Variants in DNAJC27 observed in about 807,000 individuals in gnomAD.
DNAJC27 encodes dnaJ homolog subfamily C member 27.
Under a neutral mutation model 31.4 loss-of-function variants are expected in DNAJC27, and 25 were observed. The observed-to-expected ratio is 0.80, with a 90% confidence interval of 0.58 to 1.11. The LOEUF (loss-of-function observed/expected upper bound fraction) is 1.11. Ranked by LOEUF, DNAJC27 falls within the 50% of genes most tolerant of loss-of-function variation. The probability of loss-of-function intolerance (pLI) is 0.00; values close to 1 mark genes in which losing one functional copy is unlikely to be tolerated. For missense variants in DNAJC27, 356 were observed against 347.3 expected, an observed-to-expected ratio of 1.02 and a Z score of -0.20; for synonymous variants, 106 against 112.7, an observed-to-expected ratio of 0.94 and a Z score of 0.37.
chr2:24,971,871 C>T lies in DNAJC27; in HGVS notation c.34G>A (p.Gly12Ser), dbSNP rs770620180. 5.3e-5 allele frequency: 86 copies of T among 1,609,214 alleles called. No individual in the cohort carries two copies. The highest frequency in any genetic ancestry group is 6.8e-5 in the Non-Finnish European group (80 of 1,178,358). The change falls in exon 1 of 7, where the codon GGC (glycine) becomes AGC (serine). Residue 12 changes from glycine (G) to serine (S), a missense_variant. Coordinates refer to ENST00000264711, the MANE Select transcript of DNAJC27 (RefSeq NM_016544.3). ...ATGACTTTGATGCGGAGAGACCTGC[C>T]GGGCTCCTTCCGCTTCGGCATGTTG... ...EANMPKRKEP[G>S]RSLRIKVISM...
In DNAJC27 at chr2:24,963,506, A is replaced by G. The variant is rs371271613; in HGVS notation, c.171-32T>C. 91 of 1,572,160 alleles carry G rather than the reference A, an allele frequency of 5.8e-5. 1 individual carries two copies. Among genetic ancestry groups the G allele is most frequent in the Non-Finnish European group, 7.8e-5 (89 of 1,144,900 alleles). ...TGTTCAAATGGAAACAATCCGAAAGAAAGTCATGGTTTCTCCATTTACCTT... is the reference window on the plus strand; with the variant it reads ...TGTTCAAATGGAAACAATCCGAAAGGAAGTCATGGTTTCTCCATTTACCTT... On this transcript the variant is annotated intron_variant, in intron 2 of 6. Coordinates refer to ENST00000264711, the MANE Select transcript of DNAJC27 (RefSeq NM_016544.3).
At chr2:24,956,964 T>C (rs891519108) in intron 5 of DNAJC27, 79 bp downstream of exon 5, 2 of 1,525,720 alleles carry the variant, frequency 1.3e-6, no homozygotes, top group East Asian at 4.7e-5. Flanking sequence ...CCTATTACTT[T>C]TTTGCTTCCT....
At chr2:24,971,443 C>T (rs1220869136) in intron 1 of DNAJC27, 1 of 165,714 alleles carries the variant, frequency 6.0e-6, no homozygotes, top group African/African-American at 2.4e-5. Flanking sequence ...GCTCCCAGGC[C>T]CGGCTGGGGG....
intron 3 of DNAJC27, among the ~76,000 whole-genome samples, chr2:24,961,547 T>C (rs999100793): frequency 6.6e-6 from 1 of 151,880 alleles, no homozygotes; most frequent in African/African-American, 2.4e-5. Flanking sequence ...TAGAAAGCAT[T>C]CGCCATTCTA....
chr2:24,944,341 G>C lies in DNAJC27; in HGVS notation c.*3275C>G, dbSNP rs192683025. On this transcript the variant is annotated 3_prime_UTR_variant, in exon 7 of 7. Coordinates refer to ENST00000264711, the MANE Select transcript of DNAJC27 (RefSeq NM_016544.3). ...CTTGTGATGTTGTCATTGTTCAATG[G>C]GGCACAGCTCCTTTTTTTTTTTTTT... 9 of 152,048 alleles carry C rather than the reference G, an allele frequency of 5.9e-5. No individual in the cohort carries two copies. Among genetic ancestry groups the C allele is most frequent in the Admixed American group, 5.9e-4 (9 of 15,256 alleles). The allele number at this position is 152,048 out of a possible 1,614,324, so 9.4% of individuals were successfully genotyped here.
intron 1 of DNAJC27, 134 bp from the exon 2 acceptor site, chr2:24,967,427 G>A (rs965001852): frequency 1.4e-5 from 10 of 704,292 alleles, no homozygotes; most frequent in East Asian, 1.1e-4. Context: ...GTGGCGGGGC[G>A]CGGTGGCTCA....
rs540381625 is a variant in DNAJC27, at chr2:24,944,115, T to C, written c.*3501A>G. On this transcript the variant is annotated 3_prime_UTR_variant, in exon 7 of 7. Coordinates refer to ENST00000264711, the MANE Select transcript of DNAJC27 (RefSeq NM_016544.3). Reference sequence around the variant, plus strand: ...GCTTGCAATGGAAAGTGGTTAGCTATATTTTGCAGCTAAGTTCATTTTCAA... The same window carrying C: ...GCTTGCAATGGAAAGTGGTTAGCTACATTTTGCAGCTAAGTTCATTTTCAA... 2 of 152,264 alleles carry C rather than the reference T, an allele frequency of 1.3e-5. No homozygotes were observed. The highest frequency in any genetic ancestry group is 2.9e-5 in the Non-Finnish European group (2 of 68,052). The allele number at this position is 152,264 out of a possible 1,614,324, so 9.4% of individuals were successfully genotyped here. A position where few individuals can be genotyped will look rare whatever the true frequency, so the allele number is the denominator to read the frequency against.
chr2:24,950,072 C>T (rs1298616553), intron 6 of DNAJC27, among the ~76,000 whole-genome samples: 1 of 145,300 alleles, frequency 6.9e-6, no homozygotes, highest in East Asian at 2.0e-4. Flanking sequence ...TAAAAATCTA[C>T]AATAAACCAA....
chr2:24,956,956 T>C, intron 5 of DNAJC27, 87 bp downstream of exon 5: 1 of 1,474,548 alleles, frequency 6.8e-7, no homozygotes, highest in Non-Finnish European at 9.2e-7. Flanking sequence ...GAGAAATTCC[T>C]ATTACTTTTT....
intron 3 of DNAJC27, among the ~76,000 whole-genome samples, chr2:24,962,098 A>G (rs1666055515): frequency 6.6e-6 from 1 of 152,222 alleles, no homozygotes. Context: ...CTCATCAGTC[A>G]GCAGCCATCA....
chr2:24,958,723 C>T lies in DNAJC27; in HGVS notation c.241-749G>A, dbSNP rs139229921. On this transcript the variant is annotated intron_variant, in intron 3 of 6. Transcript: ENST00000264711. Reference sequence around the variant, plus strand: ...AATGTCTATTTAACACCTTCCCCTTCCTTCCTTGCATTCATTCTCTGGGCT... The same window carrying T: ...AATGTCTATTTAACACCTTCCCCTTTCTTCCTTGCATTCATTCTCTGGGCT... 651 of 169,382 alleles carry T rather than the reference C, an allele frequency of 3.8e-3. 2 individuals carry two copies. Among genetic ancestry groups the T allele is most frequent in the Non-Finnish European group, 6.5e-3 (491 of 75,944 alleles). 10.5% of individuals were successfully genotyped at this position (169,382 alleles called of 1,614,324 possible).
At chr2:24,949,035 C>T (rs768606204) in intron 6 of DNAJC27, among the ~76,000 whole-genome samples, 9 of 152,282 alleles carry the variant, frequency 5.9e-5, no homozygotes, top group Admixed American at 3.3e-4. Flanking sequence ...GTCATGTTAA[C>T]AGTTCTCCAA....
At chr2:24,967,080 T>C in intron 2 of DNAJC27, 131 bp downstream of exon 2, 2 of 697,086 alleles carry the variant, frequency 2.9e-6, no homozygotes, top group Non-Finnish European at 5.0e-6. Flanking sequence ...ACTATTCCTA[T>C]CTTTCCCAAC....
At chr2:24,967,989 C>G (rs981872023) in intron 1 of DNAJC27, among the ~76,000 whole-genome samples, 5 of 143,622 alleles carry the variant, frequency 3.5e-5, no homozygotes, top group African/African-American at 1.3e-4. Context: ...GGAGGAGAGG[C>G]TGCAGTGAGC....
At position 24,957,817 on chromosome 2, in the gene DNAJC27, G is replaced by C. The variant is rs200146548; in HGVS notation, c.398C>G (p.Ala133Gly). Residue 133 changes from alanine to glycine, a missense_variant, in exon 4 of 7, where the codon GCC (alanine) becomes GGC (glycine). Coordinates refer to ENST00000264711, the MANE Select transcript of DNAJC27 (RefSeq NM_016544.3). ...CATTTCCAGAGGGGTTACCTTGTTG[G>C]CACAAACTACAAATATAATATTTTC... ...NMENIIFVVCANKIDCTKHRC... is the reference protein window; with the variant it reads ...NMENIIFVVCGNKIDCTKHRC... The C allele has an allele frequency of 3.1e-6, 5 of 1,613,668 alleles. No homozygotes were observed. The highest frequency in any genetic ancestry group is 4.2e-6 in the Non-Finnish European group (5 of 1,179,842).
chr2:24,964,933 C>A (rs751579819), intron 2 of DNAJC27, among the ~76,000 whole-genome samples: 1 of 152,124 alleles, frequency 6.6e-6, no homozygotes, highest in Non-Finnish European at 1.5e-5. Context: ...TCAGGCTGGA[C>A]GCGGTGGCTC....
At chr2:24,962,599 C>A (rs1354763375) in intron 3 of DNAJC27, among the ~76,000 whole-genome samples, 3 of 152,078 alleles carry the variant, frequency 2.0e-5, no homozygotes, top group Admixed American at 6.6e-5. Flanking sequence ...AACAGAAAGT[C>A]TCAAGGGAAA....
At chr2:24,953,206 C>T (rs1456395410) in intron 5 of DNAJC27, among the ~76,000 whole-genome samples, 2 of 152,116 alleles carry the variant, frequency 1.3e-5, no homozygotes, top group Admixed American at 6.5e-5. Flanking sequence ...AAAATCTTTT[C>T]CTCTTCTTTT....
chr2:24,957,726 A>T lies in DNAJC27; in HGVS notation c.405+84T>A. 4 of 1,296,990 alleles carry T rather than the reference A, an allele frequency of 3.1e-6. No homozygotes were observed. In the South Asian group the frequency reaches 5.5e-5, roughly 18 times the overall value. 80.3% of individuals were successfully genotyped at this position (1,296,990 alleles called of 1,614,324 possible). On this transcript the variant is annotated intron_variant, in intron 4 of 6. Coordinates refer to ENST00000264711, the MANE Select transcript of DNAJC27 (RefSeq NM_016544.3). Reference sequence around the variant, plus strand: ...TGATTTCCATATTACACAATAAGGAATTTTTCTTTTCTTTTTGTTTCCCAA... The same window carrying T: ...TGATTTCCATATTACACAATAAGGATTTTTTCTTTTCTTTTTGTTTCCCAA...
Sources: gnomAD v4.1 joint callset for allele counts (sites outside exome capture counted in the v4.1 genomes callset) on GRCh38, gnomAD v4.1.1 for gene constraint, MANE v1.5 for transcripts, NCBI Gene and HGNC (gene_info 2026-07-23, HGNC 2026-07-21) for gene names.